Variants in KCNAB1 observed in about 807,000 individuals in gnomAD.
KCNAB1 encodes voltage-gated potassium channel subunit beta-1.
In KCNAB1, 35 loss-of-function variants were observed where a neutral mutation model predicts 64.6. The observed-to-expected ratio is 0.54, with a 90% CI of 0.41 to 0.72. The LOEUF (loss-of-function observed/expected upper bound fraction) is 0.72, where lower values mean the gene tolerates loss of function less well. Ranked by LOEUF, KCNAB1 falls within the 30% of genes least tolerant of loss-of-function variation. KCNAB1 has a pLI of 0.00. For synonymous variants in KCNAB1, 177 were observed against 183.8 expected (o/e 0.96, Z 0.30); for missense variants, 401 against 512.9 (o/e 0.78, Z 2.11).
In KCNAB1 at chr3:156,176,694, C is replaced by A. The variant is rs1712395691; in HGVS notation, c.275+55808C>A. ...GTGGATCGGTTGGGGGTGGAACTTG[C>A]AGCAGTATACTTCCCCTTCATGTCC... On this transcript the variant is annotated intron_variant, in intron 1 of 13. Transcript: ENST00000490337. 3 of 1,025,592 alleles carry A rather than the reference C, an allele frequency of 2.9e-6. No individual in the cohort carries two copies. In the Admixed American group the frequency reaches 5.1e-5, roughly 17 times the overall value. The allele number at this position is 1,025,592 out of a possible 1,614,324, so 63.5% of individuals were successfully genotyped here. A position where few individuals can be genotyped will look rare whatever the true frequency, so the allele number is the denominator to read the frequency against.
intron 12 of KCNAB1, among the ~76,000 whole-genome samples, chr3:156,530,072 G>A (rs1250691566): frequency 1.3e-5 from 2 of 152,170 alleles, no homozygotes; most frequent in African/African-American, 2.4e-5. Context: ...AGTTTAAGAG[G>A]GGAAGAAGGT....
At chr3:156,227,325 G>C (rs1362269254) in intron 1 of KCNAB1, among the ~76,000 whole-genome samples, 3 of 152,116 alleles carry the variant, frequency 2.0e-5, no homozygotes, top group African/African-American at 2.4e-5. Context: ...CAAAGACAAA[G>C]GACATTGTTC....
intron 1 of KCNAB1, among the ~76,000 whole-genome samples, chr3:156,225,681 C>T (rs1716111436): frequency 6.6e-6 from 1 of 152,138 alleles, no homozygotes; most frequent in African/African-American, 2.4e-5. Flanking sequence ...CCTAAAGACT[C>T]ATCCAAAAAG....
intron 1 of KCNAB1, among the ~76,000 whole-genome samples, chr3:156,179,362 T>C (rs1455751667): frequency 6.6e-6 from 1 of 152,128 alleles, no homozygotes. Flanking sequence ...GGATATAAAA[T>C]TTTATAAAAT....
chr3:156,147,961 G>GCACACACACACA (rs5853742), intron 1 of KCNAB1, among the ~76,000 whole-genome samples: 6 of 150,446 alleles, frequency 4.0e-5, no homozygotes, highest in African/African-American at 1.5e-4. Flanking sequence ...ACACACACAC[G>GCACACACACACA]CACGCACACG....
At position 156,514,416 on chromosome 3, in the gene KCNAB1, G is replaced by C; in HGVS notation, c.711G>C (p.Trp237Cys). The change falls in exon 9 of 14, where the codon TGG (tryptophan) becomes TGC (cysteine). Residue 237 changes from tryptophan (W) to cysteine (C), a missense_variant. By Grantham distance (215) the Trp-to-Cys change is radical. Transcript: ENST00000490337. ...TAAACCAAGGCATGGCGATGTACTG[G>C]GGCACCTCGAGATGGAGTGCTATGG... ...HVINQGMAMY[W>C]GTSRWSAMEI... 6.2e-7 allele frequency: 1 copy of C among 1,613,992 alleles called. No individual in the cohort carries two copies. The highest frequency in any genetic ancestry group is 8.5e-7 in the Non-Finnish European group (1 of 1,179,898).
chr3:156,514,186 G>A (rs1717404381), intron 8 of KCNAB1, among the ~76,000 whole-genome samples, 178 bp from the exon 9 acceptor site: 1 of 152,166 alleles, frequency 6.6e-6, no homozygotes, highest in South Asian at 2.1e-4. Context: ...GGTACCATCA[G>A]CCTTCAAACC....
At chr3:156,418,352 T>A (rs1715233726) in intron 1 of KCNAB1, among the ~76,000 whole-genome samples, 1 of 152,196 alleles carries the variant, frequency 6.6e-6, no homozygotes, top group Admixed American at 6.5e-5. Flanking sequence ...CCAGGGTATG[T>A]GTTATAGCCC....
At chr3:156,331,114 T>A (rs763012736) in intron 1 of KCNAB1, among the ~76,000 whole-genome samples, 2 of 152,114 alleles carry the variant, frequency 1.3e-5, no homozygotes, top group African/African-American at 2.4e-5. Context: ...TCACTGATAA[T>A]CAGTCACTGG....
chr3:156,339,132 C>A (rs781398692), intron 1 of KCNAB1, among the ~76,000 whole-genome samples: 2 of 152,190 alleles, frequency 1.3e-5, no homozygotes, highest in South Asian at 2.1e-4. Context: ...TGACTCTGGT[C>A]CACACTAAAT....
At chr3:156,295,077 ACAAG>A (rs1720691677) in intron 1 of KCNAB1, among the ~76,000 whole-genome samples, 1 of 152,188 alleles carries the variant, frequency 6.6e-6, no homozygotes, top group Non-Finnish European at 1.5e-5. Context: ...AAACAAACAA[ACAAG>A]CAAACAAACA....
intron 1 of KCNAB1, among the ~76,000 whole-genome samples, chr3:156,368,604 T>A (rs973350147): frequency 6.6e-6 from 1 of 152,172 alleles, no homozygotes; most frequent in Non-Finnish European, 1.5e-5. Flanking sequence ...AAAGCTTGCC[T>A]TGGAATAGCA....
chr3:156,400,411 C>T (rs1713806015), intron 1 of KCNAB1, among the ~76,000 whole-genome samples: 1 of 152,182 alleles, frequency 6.6e-6, no homozygotes, highest in Admixed American at 6.5e-5. Context: ...CTGAAATTGC[C>T]TCCTAATTGA....
intron 7 of KCNAB1, among the ~76,000 whole-genome samples, chr3:156,471,100 G>C (rs1261130737): frequency 6.6e-6 from 1 of 152,176 alleles, no homozygotes; most frequent in African/African-American, 2.4e-5. Context: ...TGCGTGGTAG[G>C]TGTAAAAGGT....
At chr3:156,243,078 T>G (rs1355139610) in intron 1 of KCNAB1, among the ~76,000 whole-genome samples, 1 of 151,132 alleles carries the variant, frequency 6.6e-6, no homozygotes, top group African/African-American at 2.4e-5. Flanking sequence ...CCTGGCCAAT[T>G]TTTGTATTTT....
chr3:156,173,762 G>T (rs1388364156), intron 1 of KCNAB1, among the ~76,000 whole-genome samples: 2 of 152,184 alleles, frequency 1.3e-5, no homozygotes, highest in African/African-American at 4.8e-5. Context: ...TTATTTCTGG[G>T]TGTGTCTGTA....
At chr3:156,527,552 C>T (rs1248801925) in intron 12 of KCNAB1, among the ~76,000 whole-genome samples, 1 of 152,128 alleles carries the variant, frequency 6.6e-6, no homozygotes, top group African/African-American at 2.4e-5. Context: ...TCTCTTTCTA[C>T]AGAGGAAATC....
At chr3:156,331,216 G>A (rs971549861) in intron 1 of KCNAB1, among the ~76,000 whole-genome samples, 6 of 152,164 alleles carry the variant, frequency 3.9e-5, no homozygotes, top group Non-Finnish European at 7.4e-5. Context: ...ATCCTTTTCT[G>A]AACACTTAAC....
chr3:156,277,758 C>A (rs1326783441), intron 1 of KCNAB1, among the ~76,000 whole-genome samples: 2 of 152,138 alleles, frequency 1.3e-5, no homozygotes, highest in African/African-American at 2.4e-5. Context: ...TGGGTATATA[C>A]CCAGTAGTGG....
Sources: allele counts gnomAD v4.1 joint callset (sites outside exome capture counted in the v4.1 genomes callset), GRCh38; gene constraint gnomAD v4.1.1; transcripts MANE v1.5; gene names NCBI Gene and HGNC (gene_info 2026-07-23, HGNC 2026-07-21).